The following TDRD10 variants were observed in gnomAD, a reference collection of about 807,000 sequenced individuals.
TDRD10 encodes the protein tudor domain-containing protein 10.
TDRD10 carries 40 observed loss-of-function variants against 48.0 expected under a neutral mutation model. The observed-to-expected ratio is 0.83, with a 90% CI of 0.65 to 1.09. The LOEUF (loss-of-function observed/expected upper bound fraction) is 1.09, where lower values mean the gene tolerates loss of function less well. Ranked by LOEUF, TDRD10 falls within the 50% of genes least tolerant of loss-of-function variation. TDRD10 has a pLI of 0.00. For missense variants in TDRD10, 378 were observed against 434.7 expected (o/e 0.87, Z 1.16); for synonymous variants, 162 against 170.4 (o/e 0.95, Z 0.38).
At chr1:154,507,007 CT>C in intron 2 of TDRD10, 102 bp downstream of exon 2, 1 of 1,608,074 alleles carries the variant, frequency 6.2e-7, no homozygotes, top group Non-Finnish European at 8.5e-7. Flanking sequence ...AGAGTCACCC[CT>C]GGCATCTCTT....
chr1:154,533,816 A>G (rs1459064486), intron 6 of TDRD10, among the ~76,000 whole-genome samples: 3 of 151,480 alleles, frequency 2.0e-5, no homozygotes, highest in Admixed American at 6.6e-5. Context: ...GCCTCAAGCA[A>G]TCCTCCTGCT....
chr1:154,544,964 A>G lies in TDRD10; in HGVS notation c.952+15A>G, dbSNP rs200680670. 240 of 1,613,278 alleles carry G rather than the reference A, an allele frequency of 1.5e-4. No homozygotes were observed. The highest frequency in any genetic ancestry group is 1.8e-4 in the Non-Finnish European group (209 of 1,179,664). On this transcript the variant is annotated intron_variant, in intron 11 of 12. Transcript: ENST00000368482. ...GCTGGAGAAAGGTGAGACATCTTCT[A>G]TCTTCCTCCCAAGGGTTTCAGGGAC...
intron 10 of TDRD10, 57 bp from the exon 11 acceptor site, chr1:154,544,738 C>A: frequency 6.3e-7 from 1 of 1,586,568 alleles, no homozygotes; most frequent in Non-Finnish European, 8.6e-7. Context: ...TTGAGGACTG[C>A]TGTGCATGGC....
intron 5 of TDRD10, among the ~76,000 whole-genome samples, chr1:154,520,718 T>A (rs1234194997): frequency 6.6e-6 from 1 of 152,206 alleles, no homozygotes; most frequent in Non-Finnish European, 1.5e-5. Flanking sequence ...TTTCTTATTT[T>A]CAAGGCAGTA....
chr1:154,542,099 T>G (rs1268129735), intron 7 of TDRD10, 33 bp downstream of exon 7: 1 of 1,612,846 alleles, frequency 6.2e-7, no homozygotes, highest in African/African-American at 1.3e-5. Context: ...TTTCCCAGGA[T>G]GTGGCTTTGC....
At chr1:154,505,933 C>T (rs1693125283) in intron 1 of TDRD10, among the ~76,000 whole-genome samples, 1 of 152,168 alleles carries the variant, frequency 6.6e-6, no homozygotes, top group Non-Finnish European at 1.5e-5. Context: ...TTGATTCTGA[C>T]TTGACAGATG....
intron 4 of TDRD10, among the ~76,000 whole-genome samples, chr1:154,512,008 T>G (rs1693507052): frequency 6.7e-6 from 1 of 149,618 alleles, no homozygotes; most frequent in African/African-American, 2.4e-5. Flanking sequence ...CCAGCCTGGG[T>G]GACAGAGTGA....
At chr1:154,529,274 A>T (rs1484445577) in intron 6 of TDRD10, among the ~76,000 whole-genome samples, 1 of 152,044 alleles carries the variant, frequency 6.6e-6, no homozygotes, top group African/African-American at 2.4e-5. Context: ...AGACCTCGCC[A>T]TGTTGGCCAG....
intron 4 of TDRD10, among the ~76,000 whole-genome samples, chr1:154,510,486 G>T (rs1290381519): frequency 2.0e-5 from 3 of 151,952 alleles, no homozygotes; most frequent in Non-Finnish European, 4.4e-5. Flanking sequence ...CAGCTACTCG[G>T]GAGGCTGAGG....
At chr1:154,531,040 C>T (rs1007174581) in intron 6 of TDRD10, among the ~76,000 whole-genome samples, 1 of 151,768 alleles carries the variant, frequency 6.6e-6, no homozygotes, top group Admixed American at 6.6e-5. Flanking sequence ...GGGGTTTCAC[C>T]ATGTTGGCCA....
rs1695687654 is a variant in TDRD10 at position 154,547,726 on chromosome 1, C to T, written c.*16C>T. 1 of 1,612,996 alleles carries T rather than the reference C, an allele frequency of 6.2e-7. No individual in the cohort carries two copies. Among genetic ancestry groups the T allele is most frequent in the African/African-American group, 1.3e-5 (1 of 75,032 alleles). ...GTCTAAATAACGGGGCTTCCCTCAGCATGTTCCCTCTCCTGTTTGCCACGG... is the reference window on the plus strand; with the variant it reads ...GTCTAAATAACGGGGCTTCCCTCAGTATGTTCCCTCTCCTGTTTGCCACGG... On this transcript the variant is annotated 3_prime_UTR_variant, in exon 13 of 13. Transcript: ENST00000368482.
intron 6 of TDRD10, among the ~76,000 whole-genome samples, chr1:154,531,096 C>T (rs1277747217): frequency 6.6e-6 from 1 of 152,118 alleles, no homozygotes; most frequent in Non-Finnish European, 1.5e-5. Flanking sequence ...CTGCCTCAGC[C>T]TCCCAAAGTG....
chr1:154,537,477 A>G (rs1433048020), intron 6 of TDRD10, among the ~76,000 whole-genome samples: 1 of 152,254 alleles, frequency 6.6e-6, no homozygotes, highest in Non-Finnish European at 1.5e-5. Context: ...GAAGCTGCAC[A>G]TGCAAAATTT....
chr1:154,546,508 T>C lies in TDRD10; in HGVS notation c.953-901T>C, dbSNP rs962285971. ...ACGTGATATATATAATATATATATT[T>C]AAAGATGGAAAGGCATCTCCCAATT... On this transcript the variant is annotated intron_variant, in intron 11 of 12. Coordinates refer to ENST00000368482, the MANE Select transcript of TDRD10 (RefSeq NM_182499.4). Among the ~76,000 whole-genome samples, 48 of 145,934 alleles carry C rather than the reference T, an allele frequency of 3.3e-4. 1 individual carries two copies. Among genetic ancestry groups the C allele is most frequent in the African/African-American group, 1.2e-3 (48 of 39,378 alleles).
At chr1:154,542,987 G>C (rs999956417) in intron 8 of TDRD10, among the ~76,000 whole-genome samples, 166 bp downstream of exon 8, 26 of 152,260 alleles carry the variant, frequency 1.7e-4, no homozygotes, top group African/African-American at 4.8e-4. Context: ...TATAAAATCA[G>C]CTTCCCAGCC....
At chr1:154,532,517 C>T (rs1034808233) in intron 6 of TDRD10, among the ~76,000 whole-genome samples, 1 of 152,182 alleles carries the variant, frequency 6.6e-6, no homozygotes, top group African/African-American at 2.4e-5. Context: ...CAGAGAAGGG[C>T]TCCCACGGTG....
intron 5 of TDRD10, 92 bp from the exon 6 acceptor site, chr1:154,521,231 C>A: frequency 7.8e-7 from 1 of 1,279,832 alleles, no homozygotes; most frequent in Non-Finnish European, 1.1e-6. Flanking sequence ...AGAAAGGACA[C>A]TGGCCTTCCA....
At chr1:154,529,429 T>C (rs1231831582) in intron 6 of TDRD10, among the ~76,000 whole-genome samples, 1 of 152,136 alleles carries the variant, frequency 6.6e-6, no homozygotes, top group Non-Finnish European at 1.5e-5. Context: ...CAAGAGGAGA[T>C]GGAAGATGTA....
intron 6 of TDRD10, among the ~76,000 whole-genome samples, chr1:154,525,248 T>C (rs903823340): frequency 2.0e-5 from 3 of 152,206 alleles, no homozygotes; most frequent in Admixed American, 6.5e-5. Context: ...AAGAGAATCA[T>C]GGCTCTCACC....
Sources: allele counts gnomAD v4.1 joint callset (sites outside exome capture counted in the v4.1 genomes callset), GRCh38; gene constraint gnomAD v4.1.1; transcripts MANE v1.5; gene names NCBI Gene and HGNC (gene_info 2026-07-23, HGNC 2026-07-21).